Variants in GTF3C4 observed in about 807,000 individuals in gnomAD.
GTF3C4 encodes general transcription factor 3C polypeptide 4.
Under a neutral mutation model 67.5 loss-of-function variants are expected in GTF3C4, and 28 were observed. That is an observed-to-expected ratio of 0.41 (90% CI 0.31 to 0.57). GTF3C4 has a LOEUF of 0.57. GTF3C4 is among the 20% of genes least tolerant of loss of function. The pLI, the probability that GTF3C4 is intolerant of heterozygous loss-of-function variation, is 0.21. For missense variants in GTF3C4, 831 were observed against 1,033.2 expected (o/e 0.80, Z 2.68); for synonymous variants, 409 against 393.0 (o/e 1.04, Z -0.48).
At chr9:132,688,764 G>C in intron 4 of GTF3C4, 117 bp from the exon 5 acceptor site, 1 of 766,080 alleles carries the variant, frequency 1.3e-6, no homozygotes, top group South Asian at 1.4e-5. Context: ...TATGTAGCTG[G>C]TTTATTGCAG....
In GTF3C4 at chr9:132,678,807, C is replaced by G. The variant is rs1590134745; in HGVS notation, c.1188C>G (p.Gly396=). The G allele has an allele frequency of 1.2e-6, 2 of 1,614,134 alleles. No homozygotes were observed. Among genetic ancestry groups the G allele is most frequent in the Non-Finnish European group, 1.7e-6 (2 of 1,180,024 alleles). ...CSCSLVVAAR[G]SYVFWCLLLI... Reference sequence around the variant, plus strand: ...GCAGCTTAGTAGTGGCTGCAAGAGGCTCTTATGTATTTTGGTGTCTTCTTC... The same window carrying G: ...GCAGCTTAGTAGTGGCTGCAAGAGGGTCTTATGTATTTTGGTGTCTTCTTC... The change falls in exon 2 of 5, where the codon GGC becomes GGG. Residue 396 remains glycine, a synonymous_variant. Coordinates refer to ENST00000372146, the MANE Select transcript of GTF3C4 (RefSeq NM_012204.4). The surrounding 1 kb of genome is among the most constrained non-coding windows in gnomAD (Gnocchi z 6.5).
At chr9:132,671,383 A>G (rs1451470339) in intron 1 of GTF3C4, among the ~76,000 whole-genome samples, 4 of 151,866 alleles carry the variant, frequency 2.6e-5, no homozygotes, top group Non-Finnish European at 4.4e-5. Flanking sequence ...GGCTTTGTCT[A>G]CTGTGTGTGT....
At chr9:132,681,474 T>C (rs1339341882) in intron 2 of GTF3C4, among the ~76,000 whole-genome samples, 1 of 152,212 alleles carries the variant, frequency 6.6e-6, no homozygotes, top group Non-Finnish European at 1.5e-5. Flanking sequence ...TGTTGGCTTA[T>C]TAGCAGTTAT....
At chr9:132,672,325 T>A (rs1288128490) in intron 1 of GTF3C4, among the ~76,000 whole-genome samples, 1 of 152,032 alleles carries the variant, frequency 6.6e-6, no homozygotes, top group African/African-American at 2.4e-5. Flanking sequence ...GCAGAGAGAA[T>A]GTAAAGAAAG....
At chr9:132,672,871 G>A (rs747723365) in intron 1 of GTF3C4, among the ~76,000 whole-genome samples, 38 of 152,302 alleles carry the variant, frequency 2.5e-4, no homozygotes, top group Non-Finnish European at 4.4e-4. Flanking sequence ...TTGGCACGCT[G>A]TAAATGCTCA....
At chr9:132,670,461 C>T (rs946470550), upstream of GTF3C4, 4 of 960,536 alleles carry the variant, frequency 4.2e-6, no homozygotes, top group African/African-American at 5.2e-5. Context: ...CGGCGGGGTC[C>T]TTCTTGGCTC....
At chr9:132,676,581 A>C (rs1835868204) in intron 1 of GTF3C4, among the ~76,000 whole-genome samples, 1 of 152,064 alleles carries the variant, frequency 6.6e-6, no homozygotes, top group South Asian at 2.1e-4. Flanking sequence ...TCGGCCTCCC[A>C]AAGTGCTGGG....
At chr9:132,673,511 G>T (rs887830853) in intron 1 of GTF3C4, among the ~76,000 whole-genome samples, 39 of 151,078 alleles carry the variant, frequency 2.6e-4, no homozygotes, top group Non-Finnish European at 4.0e-4. Context: ...TGACCCTGCA[G>T]TTCTACAAGA....
rs763652907 is a variant in GTF3C4 at position 132,670,746 on chromosome 9, A to G, written c.148A>G (p.Met50Val). 3.9e-6 allele frequency: 6 copies of G among 1,555,706 alleles called. No homozygotes were observed. The African/African-American group carries it at 5.4e-5, about 14-fold the overall frequency. ...APGPSAAFRL[M>V]VTRREPAVKL... ...GGGGCCCAGCGCTGCATTCCGCCTCATGGTGACTCGGCGGGAGCCGGCCGT... is the reference window on the plus strand; with the variant it reads ...GGGGCCCAGCGCTGCATTCCGCCTCGTGGTGACTCGGCGGGAGCCGGCCGT... The change falls in exon 1 of 5, where the codon ATG becomes GTG. Residue 50 changes from methionine to valine, a missense_variant. Physicochemically the swap from Met to Val is conservative, Grantham distance 21. Around this residue, in one of 4 missense-constraint regions of GTF3C4, gnomAD observed 237 missense variants for 212.7 expected, o/e 1.11. Transcript: ENST00000372146.
chr9:132,671,691 T>TAGAG (rs1232624244), intron 1 of GTF3C4, among the ~76,000 whole-genome samples: 1 of 149,514 alleles, frequency 6.7e-6, no homozygotes, highest in African/African-American at 2.5e-5. Flanking sequence ...ATATCCTTGA[T>TAGAG]AGAGGTGTAC....
At chr9:132,682,043 TG>T (rs1464138260) in intron 2 of GTF3C4, among the ~76,000 whole-genome samples, 11 of 149,580 alleles carry the variant, frequency 7.4e-5, no homozygotes, top group African/African-American at 2.7e-4. Context: ...GGGAGGCTGA[TG>T]GGGGAGCCAT....
intron 1 of GTF3C4, among the ~76,000 whole-genome samples, chr9:132,674,187 G>A (rs968403136): frequency 6.6e-6 from 1 of 152,230 alleles, no homozygotes; most frequent in African/African-American, 2.4e-5. Context: ...GCCATTAAAA[G>A]TGATGGTGAA....
chr9:132,679,392 C>T lies in GTF3C4; in HGVS notation c.1773C>T (p.Thr591=). The T allele has an allele frequency of 6.2e-7, 1 of 1,614,104 alleles. No homozygotes were observed. The highest frequency in any genetic ancestry group is 8.5e-7 in the Non-Finnish European group (1 of 1,180,034). The change falls in exon 2 of 5, where the codon ACC becomes ACT. Residue 591 remains threonine, a synonymous_variant. Coordinates refer to ENST00000372146, the MANE Select transcript of GTF3C4 (RefSeq NM_012204.4). This position sits in a 1 kb window ranked among gnomAD's most constrained non-coding sequence, Gnocchi z 5.9. The part of the protein sequence containing the change: ...LRILYQSMQK[T]PSEALWKPTH... ...TTTTATATCAGTCAATGCAGAAAAC[C>T]CCTTCAGAAGCCTTGTGGAAACCCA...
rs560642904 is a variant in GTF3C4 at position 132,694,558 on chromosome 9, A to G, written c.*5613A>G. On this transcript the variant is annotated 3_prime_UTR_variant, in exon 5 of 5. Coordinates refer to ENST00000372146, the MANE Select transcript of GTF3C4 (RefSeq NM_012204.4). ...ATATTAGAGCTGAGGTTCCTAGGAA[A>G]ATTTTGAAGTGGGGAAGATTATGGA... 2.0e-5 allele frequency: 3 copies of G among 152,322 alleles called. No individual in the cohort carries two copies. Among genetic ancestry groups the G allele is most frequent in the African/African-American group, 7.2e-5 (3 of 41,568 alleles). The allele number at this position is 152,322 out of a possible 1,614,324, so 9.4% of individuals were successfully genotyped here.
In GTF3C4 at chr9:132,691,223, A is replaced by AT. The variant is rs1350578195; in HGVS notation, c.*2282dup. The AT allele has an allele frequency of 1.3e-5, 2 of 152,124 alleles. No homozygotes were observed. The highest frequency in any genetic ancestry group is 4.8e-5 in the African/African-American group (2 of 41,414). The allele number at this position is 152,124 out of a possible 1,614,324, so 9.4% of individuals were successfully genotyped here. On this transcript the variant is annotated 3_prime_UTR_variant, in exon 5 of 5. Coordinates refer to ENST00000372146, the MANE Select transcript of GTF3C4 (RefSeq NM_012204.4). Reference sequence around the variant, plus strand: ...AGCTACAGAGCTGGGGAAACAGGAGATTTTGAGTTAATGGCAGCCTCACAA... The same window carrying AT: ...AGCTACAGAGCTGGGGAAACAGGAGATTTTTGAGTTAATGGCAGCCTCACAA...
At chr9:132,687,626 T>A (rs1836051971) in intron 4 of GTF3C4, among the ~76,000 whole-genome samples, 1 of 152,250 alleles carries the variant, frequency 6.6e-6, no homozygotes, top group Non-Finnish European at 1.5e-5. Flanking sequence ...ATGTCAGAGC[T>A]TGTTTCAGTA....
intron 1 of GTF3C4, among the ~76,000 whole-genome samples, chr9:132,674,655 A>T (rs972197781): frequency 6.6e-6 from 1 of 152,228 alleles, no homozygotes; most frequent in East Asian, 1.9e-4. Flanking sequence ...GAACAATTTT[A>T]TATCTACCTT....
At chr9:132,683,773 A>C (rs1835983582) in intron 3 of GTF3C4, 80 bp downstream of exon 3, 1 of 1,323,062 alleles carries the variant, frequency 7.6e-7, no homozygotes, top group African/African-American at 1.5e-5. Context: ...ACAGAATAGC[A>C]ACTTTATGCC....
chr9:132,687,296 T>A lies in GTF3C4; in HGVS notation c.2373T>A (p.His791Gln), dbSNP rs760699737. 4 of 1,372,522 alleles carry A rather than the reference T, an allele frequency of 2.9e-6. No homozygotes were observed. Among genetic ancestry groups the A allele is most frequent in the Non-Finnish European group, 3.9e-6 (4 of 1,035,360 alleles). The allele number at this position is 1,372,522 out of a possible 1,614,324, so 85.0% of individuals were successfully genotyped here. ...TGATATATAGAAGGTGTTTGCTCCA[T>A]GACAGCATTGCCCGGCATCCAGCTC... ...QSLIYRRCLL[H>Q]DSIARHPAPE... Residue 791 changes from histidine to glutamine, a missense_variant, in exon 4 of 5, where the codon CAT (histidine) becomes CAA (glutamine). Around this residue, in one of 4 missense-constraint regions of GTF3C4, gnomAD observed 129 missense variants for 213.8 expected, o/e 0.60. Coordinates refer to ENST00000372146, the MANE Select transcript of GTF3C4 (RefSeq NM_012204.4).
Sources: allele counts gnomAD v4.1 joint callset (sites outside exome capture counted in the v4.1 genomes callset), GRCh38; gene constraint gnomAD v4.1.1; regional missense constraint gnomAD v4.1.1; non-coding constraint Gnocchi (gnomAD v3.1); transcripts MANE v1.5; gene names NCBI Gene and HGNC (gene_info 2026-07-23, HGNC 2026-07-21).